The following ACOT11 variants were observed in gnomAD, a reference collection of about 807,000 sequenced individuals.
ACOT11 encodes acyl-CoA thioesterase 11.
ACOT11 carries 69 observed loss-of-function variants against 77.5 expected under a neutral mutation model. The observed-to-expected ratio is 0.89, with a 90% CI of 0.73 to 1.09. The LOEUF (loss-of-function observed/expected upper bound fraction) is 1.09. Ranked by LOEUF, ACOT11 falls within the 50% of genes least tolerant of loss-of-function variation. The probability of loss-of-function intolerance (pLI) is 0.00; values close to 1 mark genes in which losing one functional copy is unlikely to be tolerated. For missense variants in ACOT11, 766 were observed against 813.7 expected, an observed-to-expected ratio of 0.94 and a Z score of 0.71; for synonymous variants, 279 against 313.0, an observed-to-expected ratio of 0.89 and a Z score of 1.15.
At chr1:54,553,752 T>TC (rs1467493110) in intron 1 of ACOT11, among the ~76,000 whole-genome samples, 3 of 152,036 alleles carry the variant, frequency 2.0e-5, no homozygotes, top group Non-Finnish European at 4.4e-5. Flanking sequence ...GATCTCTCCA[T>TC]CCCCCCAACA....
intron 15 of ACOT11, chr1:54,620,144 T>G: frequency 1.1e-6 from 1 of 894,974 alleles, no homozygotes; most frequent in Non-Finnish European, 1.7e-6. Flanking sequence ...AGGCTCAGAC[T>G]CACTGGTGCT....
At chr1:54,569,113 GA>G (rs67349209) in intron 1 of ACOT11, among the ~76,000 whole-genome samples, 439 of 135,700 alleles carry the variant, frequency 3.2e-3, no homozygotes, top group Non-Finnish European at 4.4e-3. Context: ...AGACTCTCTC[GA>G]AAAAAAAAAA....
intron 4 of ACOT11, among the ~76,000 whole-genome samples, 160 bp from the exon 5 acceptor site, chr1:54,593,781 A>C (rs565413861): frequency 2.0e-5 from 3 of 151,834 alleles, no homozygotes; most frequent in Non-Finnish European, 2.9e-5. Context: ...GCAGAGTCAA[A>C]CCCCCCCTCA....
chr1:54,580,234 A>G (rs1654256216), intron 1 of ACOT11, among the ~76,000 whole-genome samples: 1 of 152,186 alleles, frequency 6.6e-6, no homozygotes, highest in Non-Finnish European at 1.5e-5. Flanking sequence ...AGCCTGTGTC[A>G]GGGTGGGTTA....
rs1644209015 is a variant in ACOT11, at chr1:54,619,609, G to A, written c.1630-11125G>A. ...GTTTGGTCCCTGACAGGTCGAGGAA[G>A]GGGTAGCTGGGAGGGAGGACAGTAT... On this transcript the variant is annotated intron_variant, in intron 15 of 16. Coordinates refer to the ACOT11 transcript ENST00000371316. Among the ~76,000 whole-genome samples, 5 of 152,196 alleles carry A rather than the reference G, an allele frequency of 3.3e-5. No individual in the cohort carries two copies. The South Asian group carries it at 8.3e-4, about 25-fold the overall frequency.
At chr1:54,586,068 C>G (rs1287990706) in intron 3 of ACOT11, among the ~76,000 whole-genome samples, 164 bp downstream of exon 3, 2 of 117,362 alleles carry the variant, frequency 1.7e-5, no homozygotes, top group African/African-American at 6.6e-5. Flanking sequence ...AACCCCTCTG[C>G]AGTGTTTCTG....
At chr1:54,618,078 C>A (rs1341157359) in intron 15 of ACOT11, among the ~76,000 whole-genome samples, 1 of 152,176 alleles carries the variant, frequency 6.6e-6, no homozygotes, top group Non-Finnish European at 1.5e-5. Context: ...GCTGCTGGTC[C>A]ATGGGCCACA....
Position 54,609,057 on chromosome 1 carries a change from A to T in ACOT11, c.1730A>T (p.Glu577Val). 1.2e-6 allele frequency: 2 copies of T among 1,614,066 alleles called. No individual in the cohort carries two copies. Among genetic ancestry groups the T allele is most frequent in the Non-Finnish European group, 1.7e-6 (2 of 1,179,994 alleles). Reference sequence around the variant, plus strand: ...TTCTACACCACCTTCAAGGCTTGTGAGCAGTTTCTCTTGGACAACCGGAAT... The same window carrying T: ...TTCTACACCACCTTCAAGGCTTGTGTGCAGTTTCTCTTGGACAACCGGAAT... ...SEFYTTFKAC[E>V]QFLLDNRNDL... The change falls in exon 16 of 16, where the codon GAG becomes GTG. Residue 577 changes from glutamate (E) to valine (V), a missense_variant. Coordinates refer to ENST00000343744, the MANE Select transcript of ACOT11 (RefSeq NM_147161.4).
chr1:54,564,967 C>T (rs1187730134), intron 1 of ACOT11, among the ~76,000 whole-genome samples: 3 of 152,104 alleles, frequency 2.0e-5, no homozygotes, highest in Non-Finnish European at 4.4e-5. Context: ...GGAAGGGGCC[C>T]AAGCATAAAG....
chr1:54,612,560 G>C, downstream of ACOT11: 1 of 1,614,076 alleles, frequency 6.2e-7, no homozygotes, highest in Non-Finnish European at 8.5e-7. Flanking sequence ...CAGGGAAGGT[G>C]ACCCTCTGGG....
chr1:54,623,049 G>GCACA, intron 15 of ACOT11, among the ~76,000 whole-genome samples: 4 of 151,886 alleles, frequency 2.6e-5, no homozygotes, highest in Admixed American at 2.6e-4. Flanking sequence ...GGTGGCGGGT[G>GCACA]CCTGTAATCC....
chr1:54,584,592 G>A lies in ACOT11; in HGVS notation c.34-63G>A, dbSNP rs1654430006. The A allele has an allele frequency of 6.6e-7, 1 of 1,509,090 alleles. No individual in the cohort carries two copies. The highest frequency in any genetic ancestry group is 9.0e-7 in the Non-Finnish European group (1 of 1,105,432). 93.5% of individuals were successfully genotyped at this position (1,509,090 alleles called of 1,614,324 possible). A position where few individuals can be genotyped will look rare whatever the true frequency, so the allele number is the denominator to read the frequency against. Reference sequence around the variant, plus strand: ...GACCCTAAGTTCTCAGGGCTGGACAGACCTGGGAGACCCTGCAGCAAGCAG... The same window carrying A: ...GACCCTAAGTTCTCAGGGCTGGACAAACCTGGGAGACCCTGCAGCAAGCAG... On this transcript the variant is annotated intron_variant, in intron 1 of 15. Coordinates refer to ENST00000343744, the MANE Select transcript of ACOT11 (RefSeq NM_147161.4). The surrounding 1 kb of genome is among the most constrained non-coding windows in gnomAD (Gnocchi z 6.3).
At chr1:54,566,551 C>T (rs558122008) in intron 1 of ACOT11, among the ~76,000 whole-genome samples, 18 of 151,930 alleles carry the variant, frequency 1.2e-4, no homozygotes, top group Admixed American at 5.2e-4. Flanking sequence ...TAACAAACTA[C>T]CCCGAACCTT....
At chr1:54,575,123 G>T (rs1329349639) in intron 1 of ACOT11, among the ~76,000 whole-genome samples, 1 of 148,180 alleles carries the variant, frequency 6.7e-6, no homozygotes, top group Non-Finnish European at 1.5e-5. Flanking sequence ...TGTCTTCAAA[G>T]CCCTATTCAC....
At chr1:54,568,053 A>G (rs908255956) in intron 1 of ACOT11, among the ~76,000 whole-genome samples, 9 of 152,116 alleles carry the variant, frequency 5.9e-5, no homozygotes, top group Non-Finnish European at 7.3e-5. Context: ...TTCTGTCCCA[A>G]CACGTCCCTG....
chr1:54,604,051 G>T, intron 11 of ACOT11, 114 bp downstream of exon 11: 1 of 966,230 alleles, frequency 1.0e-6, no homozygotes, highest in Non-Finnish European at 1.6e-6. Context: ...TGAATGACAC[G>T]CCTCATGATT....
intron 1 of ACOT11, among the ~76,000 whole-genome samples, chr1:54,572,787 G>T (rs1189021799): frequency 6.6e-6 from 1 of 152,230 alleles, no homozygotes; most frequent in Non-Finnish European, 1.5e-5. Flanking sequence ...GTCTCCCTTG[G>T]AAGGGAGTGA....
intron 7 of ACOT11, 188 bp downstream of exon 7, chr1:54,597,603 CT>C: frequency 1.3e-6 from 1 of 756,026 alleles, no homozygotes; most frequent in Non-Finnish European, 2.1e-6. Flanking sequence ...AAGCTAGCAT[CT>C]TTTACATGGG....
chr1:54,609,734 A>T lies in ACOT11; in HGVS notation c.*622A>T. The stretch of plus-strand genomic sequence containing the variant: ...CCAATGCAAGAGGCCAAGGCTGGAG[A>T]GGCGTGCCAGCAAGGCCAGGGATGG... On this transcript the variant is annotated 3_prime_UTR_variant, in exon 16 of 16. Transcript: ENST00000343744. 2 of 1,614,172 alleles carry T rather than the reference A, an allele frequency of 1.2e-6. No homozygotes were observed. The highest frequency in any genetic ancestry group is 2.2e-5 in the South Asian group (2 of 91,086).
Sources: allele counts gnomAD v4.1 joint callset (sites outside exome capture counted in the v4.1 genomes callset), GRCh38; gene constraint gnomAD v4.1.1; non-coding constraint Gnocchi (gnomAD v3.1); transcripts MANE v1.5; gene names NCBI Gene and HGNC (gene_info 2026-07-23, HGNC 2026-07-21).